MGAT5B: variants seen among roughly 807,000 people sequenced by gnomAD.
The protein encoded by MGAT5B is alpha-1,6-mannosylglycoprotein 6-beta-N-acetylglucosaminyltransferase B.
MGAT5B carries 54 observed loss-of-function variants against 95.1 expected under a neutral mutation model. The observed-to-expected ratio is 0.57, with a 90% CI of 0.46 to 0.71. The LOEUF is 0.71. MGAT5B is among the 30% of genes least tolerant of loss of function. MGAT5B has a pLI of 0.00. For synonymous variants in MGAT5B, 464 were observed against 451.0 expected, an observed-to-expected ratio of 1.03 and a Z score of -0.36; for missense variants, 935 against 1,088.6, an observed-to-expected ratio of 0.86 and a Z score of 1.99.
At chr17:76,926,878 C>T (rs1362151812) in intron 10 of MGAT5B, 148 bp downstream of exon 10, 6 of 993,648 alleles carry the variant, frequency 6.0e-6, no homozygotes, top group East Asian at 2.4e-5. Flanking sequence ...TCGCCTTCTC[C>T]TGCTCCATAA....
chr17:76,913,618 G>C, intron 8 of MGAT5B: 1 of 469,748 alleles, frequency 2.1e-6, no homozygotes, highest in Non-Finnish European at 4.3e-6. Context: ...GGGAAAACAG[G>C]CTTGAGGGGC....
intron 3 of MGAT5B, among the ~76,000 whole-genome samples, chr17:76,897,709 CTTTCTTTCTTTCTTTCTTTT>C (rs1968130358): frequency 9.7e-5 from 9 of 92,992 alleles, no homozygotes; most frequent in African/African-American, 5.2e-4. Context: ...TTCTTTCTTT[CTTTCTTTCTTTCTTTCTTTT>C]TCTTTTTTTT....
At chr17:76,887,471 C>T (rs1393769290) in intron 3 of MGAT5B, among the ~76,000 whole-genome samples, 12 of 106,256 alleles carry the variant, frequency 1.1e-4, no homozygotes, top group Middle Eastern at 4.5e-3. Flanking sequence ...CCCTCCCTCC[C>T]TTCCTCCCTC....
intron 3 of MGAT5B, 121 bp downstream of exon 3, chr17:76,882,419 TACAG>T: frequency 7.9e-7 from 1 of 1,263,430 alleles, no homozygotes; most frequent in Non-Finnish European, 1.1e-6. Context: ...CACACTGTGG[TACAG>T]CCCAGAGTGC....
chr17:76,932,558 G>T, intron 10 of MGAT5B, 87 bp from the exon 11 acceptor site: 1 of 1,569,012 alleles, frequency 6.4e-7, no homozygotes, highest in South Asian at 1.2e-5. Context: ...GCCAAAAGAG[G>T]ACCTCTTGGG....
rs1360082896 is a variant in MGAT5B at position 76,938,741 on chromosome 17, C to T, written c.1584+598C>T. ...TCACCCACGCTGGAGTGCAGTGGTG[C>T]AATCAGGGCCCACTGCAACCTTATA... On this transcript the variant is annotated intron_variant, in intron 13 of 17. Coordinates refer to ENST00000569840, the MANE Select transcript of MGAT5B (RefSeq NM_001199172.2). This position sits in a 1 kb window ranked among gnomAD's most constrained non-coding sequence, Gnocchi z 4.3. Among the ~76,000 whole-genome samples, 2 of 152,128 alleles carry T rather than the reference C, an allele frequency of 1.3e-5. No homozygotes were observed. Among genetic ancestry groups the T allele is most frequent in the East Asian group, 3.9e-4 (2 of 5,184 alleles).
At chr17:76,892,769 T>G (rs902292566) in intron 3 of MGAT5B, among the ~76,000 whole-genome samples, 3 of 152,186 alleles carry the variant, frequency 2.0e-5, no homozygotes, top group Non-Finnish European at 4.4e-5. Context: ...CACATGCGTG[T>G]TGCCAGCCTT....
intron 3 of MGAT5B, among the ~76,000 whole-genome samples, chr17:76,899,067 A>T (rs943813824): frequency 6.6e-6 from 1 of 152,188 alleles, no homozygotes; most frequent in Non-Finnish European, 1.5e-5. Context: ...TGCAAGACGG[A>T]TGGAGAGGAG....
chr17:76,917,169 A>G lies in MGAT5B; in HGVS notation c.1026-7797A>G, dbSNP rs181473848. ...TTGCACACCAACCATCACTGCAAAT[A>G]TATTCAGCACACACAGGCCAGTGGC... is the stretch of plus-strand genomic sequence containing the variant. On this transcript the variant is annotated intron_variant, in intron 8 of 17. Coordinates refer to ENST00000569840, the MANE Select transcript of MGAT5B (RefSeq NM_001199172.2). This position sits in a 1 kb window ranked among gnomAD's most constrained non-coding sequence, Gnocchi z 6.1. Among the ~76,000 whole-genome samples the G allele has an allele frequency of 2.2e-4, 33 of 152,298 alleles. No individual in the cohort carries two copies. Among genetic ancestry groups the G allele is most frequent in the African/African-American group, 7.7e-4 (32 of 41,568 alleles).
At chr17:76,871,971 C>T (rs962380196) in intron 1 of MGAT5B, among the ~76,000 whole-genome samples, 21 of 152,278 alleles carry the variant, frequency 1.4e-4, no homozygotes, top group African/African-American at 4.8e-4. Flanking sequence ...TCCCTGCTGT[C>T]CCCCTGGGGT....
At chr17:76,908,272 C>G (rs1051551967) in intron 8 of MGAT5B, among the ~76,000 whole-genome samples, 21 of 128,276 alleles carry the variant, frequency 1.6e-4, no homozygotes, top group Non-Finnish European at 2.9e-4. Context: ...CTCTTTCTTT[C>G]TTCTTTTTTT....
intron 5 of MGAT5B, 27 bp from the exon 6 acceptor site, chr17:76,904,225 C>A (rs748518285): frequency 1.3e-6 from 2 of 1,586,388 alleles, no homozygotes; most frequent in South Asian, 2.3e-5. Context: ...TGGCGCAGCC[C>A]CCTGCCCAGC....
chr17:76,898,194 A>G lies in MGAT5B; in HGVS notation c.330-4361A>G, dbSNP rs553248856. Among the ~76,000 whole-genome samples the G allele has an allele frequency of 7.9e-5, 12 of 152,332 alleles. No individual in the cohort carries two copies. In the East Asian group the frequency reaches 2.3e-3, roughly 29 times the overall value. ...TTAGGTTACATAGGATATTTCTAGC[A>G]CACAAGATTTCCTGTGTTCCGTCAG... On this transcript the variant is annotated intron_variant, in intron 3 of 17. Transcript: ENST00000569840.
intron 15 of MGAT5B, among the ~76,000 whole-genome samples, chr17:76,943,037 C>CCCCCG (rs1555601292): frequency 6.6e-6 from 1 of 151,594 alleles, no homozygotes; most frequent in African/African-American, 2.4e-5. Flanking sequence ...ATAACTTGCC[C>CCCCCG]CCCCGGGAGG....
rs142412765 is a variant in MGAT5B, at chr17:76,907,202, C to T, written c.1025+1015C>T. On this transcript the variant is annotated intron_variant, in intron 8 of 17. Coordinates refer to ENST00000569840, the MANE Select transcript of MGAT5B (RefSeq NM_001199172.2). ...AGTAGCTGGGATTACAGGCCCACGC[C>T]GCCACGCCAGGCTAATTTTTGTGTT... Among the ~76,000 whole-genome samples the T allele has an allele frequency of 4.2e-3, 640 of 152,176 alleles. 6 individuals carry two copies. Among genetic ancestry groups the T allele is most frequent in the African/African-American group, 0.015 (616 of 41,504 alleles).
intron 12 of MGAT5B, 140 bp from the exon 13 acceptor site, chr17:76,937,848 C>T (rs1464115657): frequency 3.2e-6 from 3 of 942,986 alleles, no homozygotes; most frequent in Non-Finnish European, 4.8e-6. Flanking sequence ...CGGGGCCTTT[C>T]CCAGTGTCCC....
At chr17:76,935,419 T>TG (rs1428309781) in intron 12 of MGAT5B, among the ~76,000 whole-genome samples, 1,372 of 50,934 alleles carry the variant, frequency 0.027, 19 homozygotes, top group African/African-American at 0.068. Flanking sequence ...TGTGTTTAAC[T>TG]TTTTTTAAAA....
At position 76,912,658 on chromosome 17, in the gene MGAT5B, G is replaced by C. The variant is rs1474437164; in HGVS notation, c.1025+6471G>C. ...GGTGTTTCAATTAACTGGCTCACTGGAGTGACGTTTGGGGCAATGTGCAGG... is the reference window on the plus strand; with the variant it reads ...GGTGTTTCAATTAACTGGCTCACTGCAGTGACGTTTGGGGCAATGTGCAGG... On this transcript the variant is annotated intron_variant, in intron 8 of 17. Transcript: ENST00000569840. This position sits in a 1 kb window ranked among gnomAD's most constrained non-coding sequence, Gnocchi z 5.0. Among the ~76,000 whole-genome samples the C allele has an allele frequency of 6.6e-6, 1 of 152,124 alleles. No individual in the cohort carries two copies. The highest frequency in any genetic ancestry group is 1.5e-5 in the Non-Finnish European group (1 of 68,014).
chr17:76,929,669 G>T (rs56135841), intron 10 of MGAT5B, among the ~76,000 whole-genome samples: 5 of 152,020 alleles, frequency 3.3e-5, no homozygotes, highest in South Asian at 2.1e-4. Flanking sequence ...GGAAGAGGGA[G>T]GCTGGCCAGT....
Sources: gnomAD v4.1 joint callset for allele counts (sites outside exome capture counted in the v4.1 genomes callset) on GRCh38, gnomAD v4.1.1 for gene constraint, Gnocchi (gnomAD v3.1) non-coding constraint, MANE v1.5 for transcripts, NCBI Gene and HGNC (gene_info 2026-07-23, HGNC 2026-07-21) for gene names.